Variants in GAS2 observed in about 807,000 individuals in gnomAD.
The protein encoded by GAS2 is growth arrest-specific protein 2.
Under a neutral mutation model 37.5 loss-of-function variants are expected in GAS2, and 20 were observed. The observed-to-expected ratio is 0.53, with a 90% CI of 0.37 to 0.77. The LOEUF is 0.77. GAS2 is among the 30% of genes least tolerant of loss of function. The probability of loss-of-function intolerance (pLI) is 0.00; values close to 1 mark genes in which losing one functional copy is unlikely to be tolerated. For missense variants in GAS2, 336 were observed against 373.4 expected, an observed-to-expected ratio of 0.90 and a Z score of 0.82; for synonymous variants, 144 against 132.2, an observed-to-expected ratio of 1.09 and a Z score of -0.61.
At chr11:22,698,619 A>C (rs1019257380) in intron 3 of GAS2, among the ~76,000 whole-genome samples, 5 of 149,694 alleles carry the variant, frequency 3.3e-5, no homozygotes, top group Non-Finnish European at 5.9e-5. Context: ...AAAAATCCTC[A>C]ATAAAATACT....
chr11:22,786,978 T>C, intron 7 of GAS2, among the ~76,000 whole-genome samples: 1 of 152,180 alleles, frequency 6.6e-6, no homozygotes, highest in East Asian at 1.9e-4. Flanking sequence ...TTCATTTGTC[T>C]GAAGTGAGGC....
intron 4 of GAS2, among the ~76,000 whole-genome samples, chr11:22,731,616 G>T (rs1852481461): frequency 6.6e-6 from 1 of 151,708 alleles, no homozygotes; most frequent in Non-Finnish European, 1.5e-5. Context: ...AAAGGTTTGT[G>T]TGTGGATTTT....
chr11:22,777,034 T>C (rs36080503), intron 7 of GAS2, among the ~76,000 whole-genome samples: 2,654 of 152,248 alleles, frequency 0.017, 34 homozygotes, highest in Middle Eastern at 0.044. Flanking sequence ...GTGGCTCAGA[T>C]TGATAATTTG....
chr11:22,701,852 G>A (rs1850860000), intron 3 of GAS2, among the ~76,000 whole-genome samples: 1 of 152,016 alleles, frequency 6.6e-6, no homozygotes, highest in East Asian at 1.9e-4. Context: ...AATAAAAGTT[G>A]GGGAAAAAAA....
intron 1 of GAS2, among the ~76,000 whole-genome samples, chr11:22,655,626 T>C (rs1460588033): frequency 6.6e-6 from 1 of 152,238 alleles, no homozygotes; most frequent in African/African-American, 2.4e-5. Flanking sequence ...TTAGTGTCTG[T>C]ATTCATGAAG....
At chr11:22,677,186 G>T (rs189514908) in intron 2 of GAS2, among the ~76,000 whole-genome samples, 1 of 152,100 alleles carries the variant, frequency 6.6e-6, no homozygotes, top group Admixed American at 6.6e-5. Flanking sequence ...ACTGAGGTGG[G>T]AGTAGGGCAA....
chr11:22,681,646 C>T (rs1444314672), intron 2 of GAS2, among the ~76,000 whole-genome samples: 6 of 152,120 alleles, frequency 3.9e-5, no homozygotes, highest in Non-Finnish European at 8.8e-5. Context: ...GTGCTAAAAT[C>T]ACACTGCTTC....
chr11:22,799,992 G>A (rs1243033723), intron 7 of GAS2, among the ~76,000 whole-genome samples: 2 of 152,044 alleles, frequency 1.3e-5, no homozygotes, highest in African/African-American at 4.8e-5. Flanking sequence ...TATAAAGGCA[G>A]GAAACTTTCT....
At chr11:22,750,771 A>G (rs994958872) in intron 6 of GAS2, among the ~76,000 whole-genome samples, 1 of 151,942 alleles carries the variant, frequency 6.6e-6, no homozygotes, top group African/African-American at 2.4e-5. Flanking sequence ...ATGTACCTCT[A>G]GTCTTTATGT....
At chr11:22,778,469 G>T (rs1320792505) in intron 7 of GAS2, among the ~76,000 whole-genome samples, 2 of 152,196 alleles carry the variant, frequency 1.3e-5, no homozygotes, top group Non-Finnish European at 2.9e-5. Flanking sequence ...GAATAATAGG[G>T]TTCAGGAGGG....
At chr11:22,681,449 A>C (rs1849680790) in intron 2 of GAS2, among the ~76,000 whole-genome samples, 1 of 152,194 alleles carries the variant, frequency 6.6e-6, no homozygotes, top group Admixed American at 6.6e-5. Flanking sequence ...CGCAATTATA[A>C]ATTTAGGAAG....
intron 1 of GAS2, among the ~76,000 whole-genome samples, chr11:22,652,679 A>G (rs879337797): frequency 6.6e-6 from 1 of 152,088 alleles, no homozygotes; most frequent in Non-Finnish European, 1.5e-5. Flanking sequence ...GAGTGACCCG[A>G]TTTTCCAGGT....
chr11:22,722,503 T>TAGTG (rs1469749584), intron 3 of GAS2, among the ~76,000 whole-genome samples: 2 of 151,946 alleles, frequency 1.3e-5, no homozygotes, highest in African/African-American at 4.8e-5. Context: ...TGACTCTTGC[T>TAGTG]AGTGAGTGAG....
chr11:22,685,765 C>T lies in GAS2; in HGVS notation c.243C>T (p.Ser81=). 1 of 1,613,420 alleles carries T rather than the reference C, an allele frequency of 6.2e-7. No homozygotes were observed. The highest frequency in any genetic ancestry group is 8.5e-7 in the Non-Finnish European group (1 of 1,179,744). ...CTATGCAGGAGAAATTCAAGGAGAG[C>T]ATGGATGCTAACAAGCCCACAAAGG... ...AETMQEKFKE[S]MDANKPTKNL... is the part of the protein sequence containing the mutation. Residue 81 remains serine, a synonymous_variant, in exon 3 of 8, where the codon AGC becomes AGT. Transcript: ENST00000454584.
At chr11:22,795,355 T>C (rs1363649701) in intron 7 of GAS2, among the ~76,000 whole-genome samples, 1 of 151,914 alleles carries the variant, frequency 6.6e-6, no homozygotes, top group Non-Finnish European at 1.5e-5. Context: ...TAGAGAGTGG[T>C]AAATGCCATG....
chr11:22,704,281 A>G (rs1383153645), intron 3 of GAS2, among the ~76,000 whole-genome samples: 4 of 152,038 alleles, frequency 2.6e-5, no homozygotes, highest in Admixed American at 6.6e-5. Context: ...AATGAAATAA[A>G]TACAAAATAA....
intron 1 of GAS2, among the ~76,000 whole-genome samples, chr11:22,642,370 C>T (rs1015653125): frequency 6.6e-6 from 1 of 152,078 alleles, no homozygotes; most frequent in Non-Finnish European, 1.5e-5. Flanking sequence ...TTCTCATTTA[C>T]GTGATTGGGT....
chr11:22,802,373 G>C (rs1856703425), intron 7 of GAS2, among the ~76,000 whole-genome samples: 1 of 151,804 alleles, frequency 6.6e-6, no homozygotes, highest in South Asian at 2.1e-4. Flanking sequence ...GGAGTTAATG[G>C]GTGCAGCACA....
At chr11:22,792,640 G>A (rs988959471) in intron 7 of GAS2, among the ~76,000 whole-genome samples, 1 of 152,170 alleles carries the variant, frequency 6.6e-6, no homozygotes, top group Non-Finnish European at 1.5e-5. Flanking sequence ...TAGGGCATTC[G>A]TTATGTATGG....
Sources: allele counts gnomAD v4.1 joint callset (sites outside exome capture counted in the v4.1 genomes callset), GRCh38; gene constraint gnomAD v4.1.1; transcripts MANE v1.5; gene names NCBI Gene and HGNC (gene_info 2026-07-23, HGNC 2026-07-21).